MYL9: variants seen among roughly 807,000 people sequenced by gnomAD.
MYL9 encodes myosin regulatory light polypeptide 9.
Under a neutral mutation model 12.8 loss-of-function variants are expected in MYL9, and 7 were observed. The ratio of observed to expected loss-of-function variants is 0.55; its 90% confidence interval spans 0.31 to 1.03. The LOEUF (loss-of-function observed/expected upper bound fraction) is 1.03. MYL9 is among the 50% of genes least tolerant of loss of function. MYL9 has a pLI of 0.05. For missense variants in MYL9, 190 were observed against 242.7 expected (o/e 0.78, Z 1.44); for synonymous variants, 81 against 87.8 (o/e 0.92, Z 0.43).
intron 3 of MYL9, 77 bp from the exon 4 acceptor site, chr20:36,549,000 A>AG (rs1425538893): frequency 1.4e-6 from 2 of 1,431,826 alleles, no homozygotes; most frequent in East Asian, 2.3e-5. Flanking sequence ...AAGAGCTGCC[A>AG]GGGGGCTGAG....
intron 1 of MYL9, among the ~76,000 whole-genome samples, chr20:36,542,629 T>C (rs2038050838): frequency 6.6e-6 from 1 of 152,114 alleles, no homozygotes; most frequent in Non-Finnish European, 1.5e-5. Flanking sequence ...TGTTCAAGCC[T>C]CGAGGGCACC....
At chr20:36,541,937 G>T (rs1476741641) in intron 1 of MYL9, among the ~76,000 whole-genome samples, 2 of 152,070 alleles carry the variant, frequency 1.3e-5, no homozygotes, top group Non-Finnish European at 2.9e-5. Context: ...GGTTGCAGTC[G>T]TCAGTTCCCC....
Position 36,544,937 on chromosome 20 carries a change from C to T in MYL9, c.53C>T (p.Ala18Val). 6.2e-7 allele frequency: 1 copy of T among 1,613,774 alleles called. No homozygotes were observed. Among genetic ancestry groups the T allele is most frequent in the Non-Finnish European group, 8.5e-7 (1 of 1,179,942 alleles). ...AKTTKKRPQR[A>V]TSNVFAMFDQ... ...ACCACCAAGAAGCGGCCACAGCGGG[C>T]CACATCCAATGTCTTCGCAATGTTT... The change falls in exon 2 of 4, where the codon GCC becomes GTC. Residue 18 changes from alanine (A) to valine (V), a missense_variant. Ala to Val is a moderately conservative substitution (Grantham distance 64). Coordinates refer to ENST00000279022, the MANE Select transcript of MYL9 (RefSeq NM_006097.5).
At position 36,549,395 on chromosome 20, in the gene MYL9, C is replaced by T; in HGVS notation, c.*146C>T. ...CCAGTTCCCAGTGGAAGAAACAGGC[C>T]AGGAGAAGTGCGTGCCGAGCTGAGG... On this transcript the variant is annotated 3_prime_UTR_variant, in exon 4 of 4. Coordinates refer to ENST00000279022, the MANE Select transcript of MYL9 (RefSeq NM_006097.5). 1.4e-6 allele frequency: 1 copy of T among 721,904 alleles called. No homozygotes were observed. The highest frequency in any genetic ancestry group is 2.3e-6 in the Non-Finnish European group (1 of 440,644). 44.7% of individuals were successfully genotyped at this position (721,904 alleles called of 1,614,324 possible).
chr20:36,544,708 T>C (rs2038074184), intron 1 of MYL9, among the ~76,000 whole-genome samples, 151 bp from the exon 2 acceptor site: 1 of 152,134 alleles, frequency 6.6e-6, no homozygotes. Context: ...GCCACACTTG[T>C]CTGCTTTTGT....
chr20:36,549,247 T>C lies in MYL9; in HGVS notation c.517T>C (p.Ter173GlnextTer6). The C allele has an allele frequency of 6.2e-7, 1 of 1,611,726 alleles. No individual in the cohort carries two copies. The highest frequency in any genetic ancestry group is 8.5e-7 in the Non-Finnish European group (1 of 1,179,396). Residue 173 changes from the stop codon to glutamine, a stop_lost, in exon 4 of 4, where the codon TAG becomes CAG. Coordinates refer to ENST00000279022, the MANE Select transcript of MYL9 (RefSeq NM_006097.5). ...ACATGGCGCCAAGGATAAAGACGAC[T>C]AGGCCACCCCAGCCCCCTGACACCC... is the stretch of plus-strand genomic sequence containing the variant. ...LKHGAKDKDD[*>Q]
At chr20:36,543,603 T>C (rs1439015590) in intron 1 of MYL9, among the ~76,000 whole-genome samples, 1 of 152,212 alleles carries the variant, frequency 6.6e-6, no homozygotes, top group Non-Finnish European at 1.5e-5. Context: ...CTGGTCTCAG[T>C]TTCCCCATCT....
rs116530937 is a variant in MYL9, at chr20:36,546,460, G to A, written c.184+1392G>A. Among the ~76,000 whole-genome samples, 626 of 152,142 alleles carry A rather than the reference G, an allele frequency of 4.1e-3. 5 individuals carry two copies. The highest frequency in any genetic ancestry group is 0.014 in the African/African-American group (592 of 41,498). On this transcript the variant is annotated intron_variant, in intron 2 of 3. Coordinates refer to ENST00000279022, the MANE Select transcript of MYL9 (RefSeq NM_006097.5). ...GGCCATGACCCTGACATTTCCCCAC[G>A]AGGCACTGAGCAGGAGAACCAGGCA...
chr20:36,546,889 G>A (rs924584031), intron 2 of MYL9, among the ~76,000 whole-genome samples: 7 of 152,084 alleles, frequency 4.6e-5, no homozygotes, highest in African/African-American at 1.4e-4. Flanking sequence ...GAGCTACCAC[G>A]CCTGGCCAAC....
At chr20:36,544,767 C>T in intron 1 of MYL9, 92 bp from the exon 2 acceptor site, 13 of 1,089,386 alleles carry the variant, frequency 1.2e-5, no homozygotes, top group Non-Finnish European at 1.6e-5. Flanking sequence ...CCTTGAATGC[C>T]AGGCCGAAGT....
At chr20:36,546,304 C>T (rs966291984) in intron 2 of MYL9, among the ~76,000 whole-genome samples, 1 of 152,200 alleles carries the variant, frequency 6.6e-6, no homozygotes, top group African/African-American at 2.4e-5. Context: ...GCATCCAGAC[C>T]AGACACTGCC....
At position 36,545,088 on chromosome 20, in the gene MYL9, G is replaced by T; in HGVS notation, c.184+20G>T. On this transcript the variant is annotated intron_variant, in intron 2 of 3. Coordinates refer to ENST00000279022, the MANE Select transcript of MYL9 (RefSeq NM_006097.5). ...CGCTGGGTGAGCTGGGACAGGGACA[G>T]GGGTGAGATGGATGAGGCCAGGCAG... is the stretch of plus-strand genomic sequence containing the variant. The T allele has an allele frequency of 6.2e-7, 1 of 1,611,502 alleles. No individual in the cohort carries two copies. The highest frequency in any genetic ancestry group is 1.1e-5 in the South Asian group (1 of 90,844).
intron 3 of MYL9, among the ~76,000 whole-genome samples, 175 bp from the exon 4 acceptor site, chr20:36,548,902 G>T (rs545142235): frequency 6.6e-6 from 1 of 151,974 alleles, no homozygotes; most frequent in Admixed American, 6.6e-5. Context: ...ACCCCTTCAC[G>T]TGCACCCCCA....
chr20:36,544,954 G>C lies in MYL9; in HGVS notation c.70G>C (p.Ala24Pro). 6.2e-7 allele frequency: 1 copy of C among 1,613,630 alleles called. No individual in the cohort carries two copies. The highest frequency in any genetic ancestry group is 8.5e-7 in the Non-Finnish European group (1 of 1,179,926). The change falls in exon 2 of 4, where the codon GCA (alanine) becomes CCA (proline). Residue 24 changes from alanine to proline, a missense_variant. Physicochemically the swap from Ala to Pro is conservative, Grantham distance 27 (BLOSUM62 -1). Transcript: ENST00000279022. ...RPQRATSNVF[A>P]MFDQSQIQEF... is the part of the protein sequence containing the mutation. ...ACAGCGGGCCACATCCAATGTCTTC[G>C]CAATGTTTGACCAGTCCCAGATCCA...
intron 2 of MYL9, among the ~76,000 whole-genome samples, chr20:36,547,146 T>A (rs1022776784): frequency 3.9e-5 from 6 of 152,146 alleles, no homozygotes; most frequent in African/African-American, 1.4e-4. Context: ...GCCCTGGGTG[T>A]CCACCCAGAA....
rs2038155159 is a variant in MYL9 at position 36,550,424 on chromosome 20, A to C, written c.*1175A>C. 1 of 152,730 alleles carries C rather than the reference A, an allele frequency of 6.5e-6. No homozygotes were observed. The highest frequency in any genetic ancestry group is 2.4e-5 in the African/African-American group (1 of 41,376). The allele number at this position is 152,730 out of a possible 1,614,324, so 9.5% of individuals were successfully genotyped here. On this transcript the variant is annotated 3_prime_UTR_variant, in exon 4 of 4. Coordinates refer to ENST00000279022, the MANE Select transcript of MYL9 (RefSeq NM_006097.5). The stretch of plus-strand genomic sequence containing the variant: ...CTGATGGCAGTGCCTGGGGCCTAAG[A>C]GGGGCAGAAAGAGCGCTGAATGACT...
Position 36,548,126 on chromosome 20 carries a change from G to A in MYL9, c.279G>A (p.Lys93=). The A allele has an allele frequency of 6.2e-7, 1 of 1,614,038 alleles. No individual in the cohort carries two copies. The highest frequency in any genetic ancestry group is 8.5e-7 in the Non-Finnish European group (1 of 1,179,920). Residue 93 remains lysine (K), a synonymous_variant, in exon 3 of 4, where the codon AAG becomes AAA. Coordinates refer to ENST00000279022, the MANE Select transcript of MYL9 (RefSeq NM_006097.5). ...TGTTCCTCACCATGTTTGGGGAGAA[G>A]CTGAACGGCACGGACCCCGAGGATG... ...FTMFLTMFGE[K]LNGTDPEDVI... is the part of the protein sequence containing the mutation.
At chr20:36,546,887 A>G (rs573670847) in intron 2 of MYL9, among the ~76,000 whole-genome samples, 3 of 152,044 alleles carry the variant, frequency 2.0e-5, no homozygotes, top group South Asian at 2.1e-4. Flanking sequence ...GTGAGCTACC[A>G]CGCCTGGCCA....
intron 2 of MYL9, among the ~76,000 whole-genome samples, chr20:36,545,744 C>G (rs1005294357): frequency 6.6e-6 from 1 of 151,964 alleles, no homozygotes; most frequent in Non-Finnish European, 1.5e-5. Flanking sequence ...TCCTGGCTAA[C>G]ATGGTGAAAC....
Sources: gnomAD v4.1 joint callset for allele counts (sites outside exome capture counted in the v4.1 genomes callset) on GRCh38, gnomAD v4.1.1 for gene constraint, MANE v1.5 for transcripts, NCBI Gene and HGNC (gene_info 2026-07-23, HGNC 2026-07-21) for gene names.